The following GRID2 variants were observed in gnomAD, a reference collection of about 807,000 sequenced individuals.
GRID2 encodes the protein glutamate receptor ionotropic, delta-2.
GRID2 carries 33 observed loss-of-function variants against 114.8 expected under a neutral mutation model. That is an observed-to-expected ratio of 0.29 (90% CI 0.22 to 0.38). GRID2 has a LOEUF of 0.38. GRID2 is among the 10% of genes least tolerant of loss of function. The pLI is 1.00. For synonymous variants in GRID2, 505 were observed against 449.9 expected (o/e 1.12, Z -1.55); for missense variants, 1,184 against 1,257.7 (o/e 0.94, Z 0.89).
chr4:93,090,005 C>T (rs1730641327), intron 3 of GRID2, among the ~76,000 whole-genome samples: 1 of 152,118 alleles, frequency 6.6e-6, no homozygotes, highest in Admixed American at 6.6e-5. Flanking sequence ...AATAAGAATT[C>T]CTGTTTTCAA....
At chr4:93,636,079 C>T (rs1238440149) in intron 14 of GRID2, among the ~76,000 whole-genome samples, 1 of 152,096 alleles carries the variant, frequency 6.6e-6, no homozygotes, top group African/African-American at 2.4e-5. Flanking sequence ...ATTCAAGATG[C>T]AACAGTACCC....
chr4:93,702,518 T>G (rs1727601685), intron 14 of GRID2, among the ~76,000 whole-genome samples: 1 of 152,140 alleles, frequency 6.6e-6, no homozygotes, highest in African/African-American at 2.4e-5. Context: ...TTTCATCTAT[T>G]TGCTGTTACC....
chr4:93,437,630 C>CCG lies in GRID2; in HGVS notation c.1545+14662_1545+14663insCG, dbSNP rs1721221164. Among the ~76,000 whole-genome samples the CCG allele has an allele frequency of 2.0e-5, 3 of 152,260 alleles. No individual in the cohort carries two copies. In the South Asian group the frequency reaches 6.2e-4, roughly 32 times the overall value. ...AAATTCACACTTCTTTCTCAAACAC[C>CCG]TGTGTCTTCTTTCCATAAAAAATTA... On this transcript the variant is annotated intron_variant, in intron 10 of 15. Transcript: ENST00000282020.
intron 13 of GRID2, among the ~76,000 whole-genome samples, chr4:93,528,784 C>T (rs1167859815): frequency 8.5e-5 from 13 of 152,110 alleles, no homozygotes; most frequent in Admixed American, 2.0e-4. Context: ...TTCAACAGAA[C>T]AAAAACTCAT....
chr4:93,613,697 A>G (rs907787579), intron 13 of GRID2, among the ~76,000 whole-genome samples: 2 of 144,308 alleles, frequency 1.4e-5, no homozygotes, highest in African/African-American at 5.1e-5. Context: ...TTGCTGGGAG[A>G]ACCACTGCTC....
chr4:93,051,880 T>C lies in GRID2; in HGVS notation c.245-33115T>C, dbSNP rs111933031. On this transcript the variant is annotated intron_variant, in intron 2 of 15. Transcript: ENST00000282020. ...AGTTTTCTTTTGCTTGTTTGTCCAG[T>C]TTTTTTTTCTATCTCATTATTTTGT... Among the ~76,000 whole-genome samples the C allele has an allele frequency of 1.2e-3, 183 of 151,220 alleles. 1 individual carries two copies. Among genetic ancestry groups the C allele is most frequent in the African/African-American group, 4.1e-3 (169 of 41,312 alleles).
At chr4:92,623,398 ACT>A (rs1236577208) in intron 2 of GRID2, among the ~76,000 whole-genome samples, 1 of 151,542 alleles carries the variant, frequency 6.6e-6, no homozygotes, top group Non-Finnish European at 1.5e-5. Context: ...CAAAAAAATC[ACT>A]CTCTGGACTG....
intron 8 of GRID2, chr4:93,306,087 T>C (rs1755392028): frequency 6.6e-6 from 1 of 152,208 alleles, no homozygotes; most frequent in Non-Finnish European, 1.5e-5. Flanking sequence ...ATTTTTCTTT[T>C]CAATGTTTTT....
chr4:93,695,305 T>C (rs1726925808), intron 14 of GRID2, among the ~76,000 whole-genome samples: 1 of 152,196 alleles, frequency 6.6e-6, no homozygotes, highest in Admixed American at 6.5e-5. Flanking sequence ...AGAATTTACC[T>C]AATACTCATT....
At chr4:92,963,194 G>C (rs144450883) in intron 2 of GRID2, among the ~76,000 whole-genome samples, 1 of 152,120 alleles carries the variant, frequency 6.6e-6, no homozygotes, top group East Asian at 1.9e-4. Context: ...GATTAGGGTG[G>C]TGGTTGCTAA....
chr4:92,954,602 T>G (rs1752256811), intron 2 of GRID2, among the ~76,000 whole-genome samples: 2 of 150,992 alleles, frequency 1.3e-5, no homozygotes, highest in African/African-American at 4.9e-5. Flanking sequence ...AATTTTTTTT[T>G]TTAATTTTCT....
intron 14 of GRID2, among the ~76,000 whole-genome samples, chr4:93,649,640 A>G (rs1722412190): frequency 6.6e-6 from 1 of 152,144 alleles, no homozygotes; most frequent in African/African-American, 2.4e-5. Context: ...ACTCAAAACT[A>G]AGAGTGATAT....
chr4:93,371,367 T>C (rs1437188092), intron 8 of GRID2, among the ~76,000 whole-genome samples: 1 of 152,142 alleles, frequency 6.6e-6, no homozygotes, highest in Non-Finnish European at 1.5e-5. Flanking sequence ...TTCCTTTTTT[T>C]TTTGTTTTGT....
intron 12 of GRID2, among the ~76,000 whole-genome samples, chr4:93,505,154 A>T (rs1728508001): frequency 6.6e-6 from 1 of 152,016 alleles, no homozygotes; most frequent in Non-Finnish European, 1.5e-5. Context: ...CATATTATGT[A>T]ATGCCTCTGG....
At chr4:93,074,357 CA>C (rs1729076653) in intron 2 of GRID2, among the ~76,000 whole-genome samples, 1 of 152,062 alleles carries the variant, frequency 6.6e-6, no homozygotes, top group South Asian at 2.1e-4. Context: ...TGTAAAGCAA[CA>C]AAAATAGATT....
At chr4:93,030,679 C>T (rs991612154) in intron 2 of GRID2, among the ~76,000 whole-genome samples, 5 of 151,960 alleles carry the variant, frequency 3.3e-5, no homozygotes, top group African/African-American at 1.2e-4. Context: ...GACACCACGC[C>T]CAGCTAGAGC....
chr4:93,417,780 T>G (rs1481551586), intron 9 of GRID2, among the ~76,000 whole-genome samples: 1 of 151,914 alleles, frequency 6.6e-6, no homozygotes, highest in Non-Finnish European at 1.5e-5. Flanking sequence ...GGGTACAGCT[T>G]CAGTTAACTT....
chr4:92,491,974 A>G (rs2149114338), intron 1 of GRID2, among the ~76,000 whole-genome samples: 1 of 152,322 alleles, frequency 6.6e-6, no homozygotes. Flanking sequence ...ACAAAAATGA[A>G]TGAAAACATT....
intron 11 of GRID2, among the ~76,000 whole-genome samples, chr4:93,475,389 A>G (rs531308021): frequency 5.8e-4 from 89 of 152,256 alleles, no homozygotes; most frequent in African/African-American, 1.7e-3. Flanking sequence ...CTAGATTCAT[A>G]ATGTTAAATG....
Sources: gnomAD v4.1 joint callset for allele counts (sites outside exome capture counted in the v4.1 genomes callset) on GRCh38, gnomAD v4.1.1 for gene constraint, MANE v1.5 for transcripts, NCBI Gene and HGNC (gene_info 2026-07-23, HGNC 2026-07-21) for gene names.